The following ITPR2 variants were observed in gnomAD, a reference collection of about 807,000 sequenced individuals.
ITPR2 encodes inositol 1,4,5-trisphosphate-gated calcium channel ITPR2.
In ITPR2, 207 loss-of-function variants were observed where a neutral mutation model predicts 317.1. The observed-to-expected ratio is 0.65, with a 90% confidence interval of 0.58 to 0.73. The LOEUF (loss-of-function observed/expected upper bound fraction) is 0.73. Among genes scored for constraint, ITPR2 ranks in the 30% least tolerant of loss-of-function variants. The probability of loss-of-function intolerance (pLI) is 0.00; values close to 1 mark genes in which losing one functional copy is unlikely to be tolerated. For missense variants in ITPR2, 2,613 were observed against 3,284.0 expected (o/e 0.80, Z 4.99); for synonymous variants, 1,156 against 1,149.1 (o/e 1.01, Z -0.12).
chr12:26,411,599 G>A (rs1455761016), intron 51 of ITPR2, among the ~76,000 whole-genome samples, 187 bp from the exon 52 acceptor site: 1 of 152,180 alleles, frequency 6.6e-6, no homozygotes, highest in East Asian at 1.9e-4. Flanking sequence ...TTTATAAATG[G>A]AGAATAGCTT....
chr12:26,355,865 A>G (rs1938622703), intron 55 of ITPR2, among the ~76,000 whole-genome samples: 1 of 152,214 alleles, frequency 6.6e-6, no homozygotes, highest in South Asian at 2.1e-4. Flanking sequence ...ACAGAGGCCT[A>G]ACAAAAAATT....
At chr12:26,520,843 T>G (rs1432211541) in intron 37 of ITPR2, among the ~76,000 whole-genome samples, 1 of 152,192 alleles carries the variant, frequency 6.6e-6, no homozygotes, top group Non-Finnish European at 1.5e-5. Context: ...ATTTGATTGA[T>G]TAGATATTTA....
chr12:26,499,874 C>T (rs1943032145), intron 37 of ITPR2, among the ~76,000 whole-genome samples: 1 of 152,154 alleles, frequency 6.6e-6, no homozygotes, highest in Admixed American at 6.5e-5. Flanking sequence ...CATGAATATA[C>T]TTCACTATAT....
intron 9 of ITPR2, among the ~76,000 whole-genome samples, chr12:26,696,992 G>A (rs908066850): frequency 6.6e-6 from 1 of 152,200 alleles, no homozygotes; most frequent in Non-Finnish European, 1.5e-5. Flanking sequence ...GAGAAGCATG[G>A]TGTGAAGAGA....
chr12:26,476,397 C>T (rs1942417590), intron 44 of ITPR2, among the ~76,000 whole-genome samples: 1 of 152,196 alleles, frequency 6.6e-6, no homozygotes, highest in African/African-American at 2.4e-5. Context: ...GAAAAGATAA[C>T]TTCTACAATA....
intron 5 of ITPR2, among the ~76,000 whole-genome samples, chr12:26,721,759 TAC>T (rs755407598): frequency 4.6e-5 from 7 of 152,152 alleles, no homozygotes; most frequent in Non-Finnish European, 7.3e-5. Context: ...TTATGTGCAA[TAC>T]ACACATATTC....
At chr12:26,390,885 G>A (rs1939812464) in intron 54 of ITPR2, among the ~76,000 whole-genome samples, 1 of 152,192 alleles carries the variant, frequency 6.6e-6, no homozygotes, top group Non-Finnish European at 1.5e-5. Context: ...ACATCTACCA[G>A]TTGCAAGGTA....
intron 2 of ITPR2, among the ~76,000 whole-genome samples, chr12:26,726,193 A>C (rs778046423): frequency 2.6e-5 from 4 of 152,206 alleles, no homozygotes; most frequent in Non-Finnish European, 5.9e-5. Flanking sequence ...CAGGAAGTAG[A>C]TCCCAGCTGA....
chr12:26,486,393 A>G, intron 40 of ITPR2, 33 bp from the exon 41 acceptor site: 6 of 1,530,010 alleles, frequency 3.9e-6, no homozygotes, highest in South Asian at 1.3e-5. Flanking sequence ...ATATTTCTGA[A>G]CCAATTTGCT....
chr12:26,449,856 A>G (rs1289348739), intron 45 of ITPR2, among the ~76,000 whole-genome samples: 1 of 152,188 alleles, frequency 6.6e-6, no homozygotes, highest in East Asian at 1.9e-4. Context: ...AAATCAAGCC[A>G]AAAAGATATA....
intron 42 of ITPR2, among the ~76,000 whole-genome samples, chr12:26,482,387 C>T (rs1266705993): frequency 6.6e-6 from 1 of 152,160 alleles, no homozygotes; most frequent in East Asian, 1.9e-4. Context: ...TAGTAAATTA[C>T]TTTCAAAGCT....
chr12:26,518,331 A>T (rs1254438057), intron 37 of ITPR2, among the ~76,000 whole-genome samples: 2 of 152,334 alleles, frequency 1.3e-5, no homozygotes, highest in African/African-American at 4.8e-5. Flanking sequence ...GTACATATGA[A>T]CACAAAGAAG....
chr12:26,803,841 C>G (rs1445989622), intron 1 of ITPR2, among the ~76,000 whole-genome samples: 3 of 152,074 alleles, frequency 2.0e-5, no homozygotes, highest in Non-Finnish European at 2.9e-5. Context: ...GGCAAGAGAA[C>G]TTCCCTGGCC....
intron 34 of ITPR2, 83 bp downstream of exon 34, chr12:26,578,630 G>C: frequency 8.1e-7 from 1 of 1,234,676 alleles, no homozygotes; most frequent in Non-Finnish European, 1.1e-6. Context: ...TGTAAATTGG[G>C]AAGCTGCTTG....
At chr12:26,584,112 C>T (rs561099316) in intron 32 of ITPR2, among the ~76,000 whole-genome samples, 118 of 152,098 alleles carry the variant, frequency 7.8e-4, no homozygotes, top group South Asian at 1.5e-3. Context: ...ATATAACATG[C>T]TAAGTAGTAA....
chr12:26,803,231 G>A (rs747503739), intron 1 of ITPR2, among the ~76,000 whole-genome samples: 1 of 152,084 alleles, frequency 6.6e-6, no homozygotes, highest in Admixed American at 6.6e-5. Context: ...ACTTCAAGCT[G>A]TTATCTTATT....
chr12:26,666,098 T>G lies in ITPR2; in HGVS notation c.1410-47A>C, dbSNP rs1239041652. ...ATTTTACTTTACAGTGTGCTTAATTTTGGAAAATGTATAGATAGATGATAG... is the reference window on the plus strand; with the variant it reads ...ATTTTACTTTACAGTGTGCTTAATTGTGGAAAATGTATAGATAGATGATAG... On this transcript the variant is annotated intron_variant, in intron 13 of 56. Transcript: ENST00000381340. 3.4e-6 allele frequency: 5 copies of G among 1,465,706 alleles called. No individual in the cohort carries two copies. The Admixed American group carries it at 9.1e-5, about 27-fold the overall frequency. 90.8% of individuals were successfully genotyped at this position (1,465,706 alleles called of 1,614,324 possible). A position where few individuals can be genotyped will look rare whatever the true frequency, so the allele number is the denominator to read the frequency against.
chr12:26,777,474 G>A (rs979865167), intron 2 of ITPR2, among the ~76,000 whole-genome samples: 3 of 152,210 alleles, frequency 2.0e-5, no homozygotes, highest in Admixed American at 6.5e-5. Context: ...GGTGGTAGGG[G>A]CCAAGTGGTA....
At chr12:26,416,943 G>T (rs1940738660) in intron 50 of ITPR2, among the ~76,000 whole-genome samples, 2 of 152,082 alleles carry the variant, frequency 1.3e-5, no homozygotes, top group Admixed American at 6.6e-5. Context: ...TGCTAAAAAT[G>T]CATATGCCTG....
Sources: gnomAD v4.1 joint callset for allele counts (sites outside exome capture counted in the v4.1 genomes callset) on GRCh38, gnomAD v4.1.1 for gene constraint, MANE v1.5 for transcripts, NCBI Gene and HGNC (gene_info 2026-07-23, HGNC 2026-07-21) for gene names.